WDFY2: variants seen among roughly 807,000 people sequenced by gnomAD.
WDFY2 encodes WD repeat and FYVE domain-containing protein 2.
A neutral mutation model predicts 56.4 loss-of-function variants in WDFY2; 36 were observed. The observed-to-expected ratio is 0.64, with a 90% CI of 0.49 to 0.84. The LOEUF is 0.84. WDFY2 is among the 40% of genes least tolerant of loss of function. The probability of loss-of-function intolerance (pLI) is 0.00; values close to 1 mark genes in which losing one functional copy is unlikely to be tolerated. For synonymous variants in WDFY2, 176 were observed against 183.7 expected (o/e 0.96, Z 0.34); for missense variants, 444 against 512.2 (o/e 0.87, Z 1.29).
intron 1 of WDFY2, among the ~76,000 whole-genome samples, chr13:51,607,122 A>T (rs1954397298): frequency 6.6e-6 from 1 of 152,226 alleles, no homozygotes; most frequent in African/African-American, 2.4e-5. Flanking sequence ...ATATACTGAT[A>T]CCATAACATA....
chr13:51,699,689 G>A (rs1393322485), intron 3 of WDFY2, among the ~76,000 whole-genome samples: 2 of 152,202 alleles, frequency 1.3e-5, no homozygotes, highest in Admixed American at 1.3e-4. Flanking sequence ...GTCCAATGCT[G>A]ATAAGATGTG....
chr13:51,700,630 A>G (rs1449562565), intron 3 of WDFY2, among the ~76,000 whole-genome samples: 2 of 152,230 alleles, frequency 1.3e-5, no homozygotes, highest in Non-Finnish European at 2.9e-5. Context: ...TATTTTCAGT[A>G]AGGAAAACTA....
Position 51,661,664 on chromosome 13 carries a change from A to G in WDFY2, c.205+1001A>G, listed in dbSNP as rs559681476. Among the ~76,000 whole-genome samples, 13 of 152,366 alleles carry G rather than the reference A, an allele frequency of 8.5e-5. No individual in the cohort carries two copies. The East Asian group carries it at 2.5e-3, about 29-fold the overall frequency. ...CTTGTTTATAAACAAATGATTATTA[A>G]TGATATAATAATTTTAAATGATTTT... On this transcript the variant is annotated intron_variant, in intron 2 of 11. Coordinates refer to ENST00000298125, the MANE Select transcript of WDFY2 (RefSeq NM_052950.4).
chr13:51,724,756 G>C (rs1952568869), intron 5 of WDFY2, among the ~76,000 whole-genome samples: 1 of 152,182 alleles, frequency 6.6e-6, no homozygotes, highest in Non-Finnish European at 1.5e-5. Flanking sequence ...TTCACTCTTG[G>C]TGTTGTACAT....
At chr13:51,712,445 T>TA (rs1157435852) in intron 4 of WDFY2, among the ~76,000 whole-genome samples, 2 of 151,640 alleles carry the variant, frequency 1.3e-5, no homozygotes, top group African/African-American at 2.4e-5. Flanking sequence ...AATATAATAA[T>TA]AAAAAAAATG....
intron 1 of WDFY2, among the ~76,000 whole-genome samples, chr13:51,654,125 C>T (rs1955460847): frequency 1.3e-5 from 2 of 152,232 alleles, no homozygotes; most frequent in South Asian, 2.1e-4. Flanking sequence ...CCCCCAGCCT[C>T]GCTGCTGCCT....
At chr13:51,646,356 C>T (rs1368605189) in intron 1 of WDFY2, among the ~76,000 whole-genome samples, 2 of 152,236 alleles carry the variant, frequency 1.3e-5, no homozygotes, top group South Asian at 2.1e-4. Flanking sequence ...CCTTTTCACC[C>T]TGCATTTCAG....
rs371075224 is a variant in WDFY2, at chr13:51,617,666, C to G, written c.137+32842C>G. ...CTTCAGATTCCTTAGGGTGGAACATCTGTAAGACAAACAAACCTTTCATCT... is the reference window on the plus strand; with the variant it reads ...CTTCAGATTCCTTAGGGTGGAACATGTGTAAGACAAACAAACCTTTCATCT... On this transcript the variant is annotated intron_variant, in intron 1 of 11. Coordinates refer to ENST00000298125, the MANE Select transcript of WDFY2 (RefSeq NM_052950.4). 8.5e-5 allele frequency among the ~76,000 whole-genome samples: 13 copies of G among 152,318 alleles called. No individual in the cohort carries two copies. In the East Asian group the frequency reaches 2.5e-3, roughly 29 times the overall value.
At chr13:51,597,815 A>G (rs560039194) in intron 1 of WDFY2, among the ~76,000 whole-genome samples, 1 of 152,330 alleles carries the variant, frequency 6.6e-6, no homozygotes, top group African/African-American at 2.4e-5. Flanking sequence ...TTGAATGAAA[A>G]ACAGCAGGTA....
intron 6 of WDFY2, among the ~76,000 whole-genome samples, chr13:51,736,227 A>G (rs1174533692): frequency 6.6e-6 from 1 of 152,154 alleles, no homozygotes; most frequent in Non-Finnish European, 1.5e-5. Context: ...TATTAACCCA[A>G]TTAATCTCAA....
At chr13:51,737,233 C>T (rs569076417) in intron 6 of WDFY2, among the ~76,000 whole-genome samples, 38 of 152,174 alleles carry the variant, frequency 2.5e-4, no homozygotes, top group African/African-American at 8.7e-4. Flanking sequence ...GCTTCCCATG[C>T]GCTAGGTACT....
chr13:51,717,087 G>T (rs1952370573), intron 4 of WDFY2, among the ~76,000 whole-genome samples: 1 of 152,150 alleles, frequency 6.6e-6, no homozygotes, highest in South Asian at 2.1e-4. Flanking sequence ...TGAGAAAAGA[G>T]ATGCTTTCCC....
At chr13:51,748,604 G>A (rs1048782943) in intron 7 of WDFY2, among the ~76,000 whole-genome samples, 6 of 152,046 alleles carry the variant, frequency 3.9e-5, no homozygotes, top group Non-Finnish European at 7.4e-5. Context: ...TCACACGTGA[G>A]TACTCCTTGT....
intron 3 of WDFY2, among the ~76,000 whole-genome samples, chr13:51,682,696 T>C (rs1418844155): frequency 6.6e-6 from 1 of 152,146 alleles, no homozygotes; most frequent in Non-Finnish European, 1.5e-5. Context: ...CTATCTGATA[T>C]ATACATGGAA....
chr13:51,748,162 C>T (rs1593474753), intron 7 of WDFY2, among the ~76,000 whole-genome samples: 1 of 152,192 alleles, frequency 6.6e-6, no homozygotes, highest in Non-Finnish European at 1.5e-5. Context: ...AACGCCCCCT[C>T]CCCCGACTGC....
At position 51,767,652 on chromosome 13, in the gene WDFY2, C is replaced by T. The variant is rs116467563; in HGVS notation, c.*7883C>T. 2,255 of 154,196 alleles carry T rather than the reference C, an allele frequency of 0.015. 46 individuals carry two copies. The highest frequency in any genetic ancestry group is 0.048 in the African/African-American group (2,001 of 41,492). The allele number at this position is 154,196 out of a possible 1,614,324, so 9.6% of individuals were successfully genotyped here. ...AGAATGCCAGATGCATTACTGAAGC[C>T]ACTCCTAATCTTAAGCAAATGTAAA... On this transcript the variant is annotated 3_prime_UTR_variant, in exon 12 of 12. Transcript: ENST00000298125.
In WDFY2 at chr13:51,762,724, G is replaced by A. The variant is rs1953624586; in HGVS notation, c.*2955G>A. ...TCATAATTCTTGTTTTACCCTGTTG[G>A]ATTTGCACTTTACATATATTTTTGC... On this transcript the variant is annotated 3_prime_UTR_variant, in exon 12 of 12. Coordinates refer to ENST00000298125, the MANE Select transcript of WDFY2 (RefSeq NM_052950.4). The A allele has an allele frequency of 6.6e-6, 1 of 152,124 alleles. No homozygotes were observed. Among genetic ancestry groups the A allele is most frequent in the Admixed American group, 6.5e-5 (1 of 15,270 alleles). The allele number at this position is 152,124 out of a possible 1,614,324, so 9.4% of individuals were successfully genotyped here.
At chr13:51,751,259 GC>G (rs1209321182) in intron 7 of WDFY2, 50 bp from the exon 8 acceptor site, 3 of 1,578,368 alleles carry the variant, frequency 1.9e-6, no homozygotes, top group Non-Finnish European at 2.6e-6. Context: ...CTGCTGCGAG[GC>G]CTTGCATTTG....
intron 4 of WDFY2, among the ~76,000 whole-genome samples, chr13:51,706,690 G>T (rs1593434429): frequency 6.6e-6 from 1 of 152,186 alleles, no homozygotes; most frequent in South Asian, 2.1e-4. Context: ...CATAAAGTTG[G>T]TCCTTGGCCC....
Sources: allele counts gnomAD v4.1 joint callset (sites outside exome capture counted in the v4.1 genomes callset), GRCh38; gene constraint gnomAD v4.1.1; transcripts MANE v1.5; gene names NCBI Gene and HGNC (gene_info 2026-07-23, HGNC 2026-07-21).